Variants in RPP38 observed in about 807,000 individuals in gnomAD.
The protein encoded by RPP38 is ribonuclease P protein subunit p38.
Under a neutral mutation model 1.7 loss-of-function variants are expected in RPP38, and 2 were observed. The ratio of observed to expected loss-of-function variants is 1.18; its 90% CI spans 0.48 to 3.70. The LOEUF (loss-of-function observed/expected upper bound fraction) is 3.70, where lower values mean the gene tolerates loss of function less well. Among genes scored for constraint, RPP38 ranks in the 30% most tolerant of loss-of-function variants. RPP38 has a pLI of 0.07. For missense variants in RPP38, 358 were observed against 340.1 expected (o/e 1.05, Z -0.41); for synonymous variants, 151 against 131.8 (o/e 1.15, Z -1.00).
chr10:15,100,611 T>C (rs1002755690), intron 1 of RPP38, among the ~76,000 whole-genome samples: 15 of 151,976 alleles, frequency 9.9e-5, no homozygotes, highest in African/African-American at 3.6e-4. Context: ...TTCTCGGGGC[T>C]GTCCAGTGTG....
chr10:15,103,084 C>T lies in RPP38; in HGVS notation c.-10-221C>T, dbSNP rs1336339830. ...GCGGGCGCCTGTAATCCCAGCTACT[C>T]GGGAGGCTGAGGCAGGAGAATCGCT... On this transcript the variant is annotated intron_variant, in intron 2 of 2. Transcript: ENST00000378197. The T allele has an allele frequency of 7.6e-5, 22 of 291,198 alleles. 1 individual carries two copies. Among genetic ancestry groups the T allele is most frequent in the South Asian group, 1.7e-4 (3 of 18,114 alleles). The allele number at this position is 291,198 out of a possible 1,614,324, so 18.0% of individuals were successfully genotyped here.
rs1466388290 is a variant in RPP38 at position 15,097,573 on chromosome 10, G to C, written c.-323G>C. 1 of 152,322 alleles carries C rather than the reference G, an allele frequency of 6.6e-6. No individual in the cohort carries two copies. Among genetic ancestry groups the C allele is most frequent in the African/African-American group, 2.4e-5 (1 of 41,482 alleles). 9.4% of individuals were successfully genotyped at this position (152,322 alleles called of 1,614,324 possible). A position where few individuals can be genotyped will look rare whatever the true frequency, so the allele number is the denominator to read the frequency against. ...GACCCGCCGCCCTCCCGGTTGGGCC[G>C]CCCAGTCCCGGGCCGGGCGCGTGCA... On this transcript the variant is annotated 5_prime_UTR_variant, in exon 1 of 3. Transcript: ENST00000378197.
chr10:15,100,891 C>T (rs1845091201), intron 1 of RPP38, among the ~76,000 whole-genome samples: 1 of 152,126 alleles, frequency 6.6e-6, no homozygotes, highest in Non-Finnish European at 1.5e-5. Context: ...CCATATTGGC[C>T]AGGCTGGTCT....
intron 1 of RPP38, among the ~76,000 whole-genome samples, chr10:15,101,112 T>C (rs1845096880): frequency 6.6e-6 from 1 of 152,236 alleles, no homozygotes; most frequent in Non-Finnish European, 1.5e-5. Flanking sequence ...GTAGCAAGGA[T>C]TGAAAGAACA....
chr10:15,103,861 A>G lies in RPP38; in HGVS notation c.547A>G (p.Lys183Glu). 6.2e-7 allele frequency: 1 copy of G among 1,614,056 alleles called. No homozygotes were observed. Among genetic ancestry groups the G allele is most frequent in the East Asian group, 2.2e-5 (1 of 44,874 alleles). Reference protein sequence around the residue: ...GLKCVLALAFKKNTTDFVDEV... With the variant: ...GLKCVLALAFEKNTTDFVDEV... ...AAAATGTGTTCTAGCCTTGGCGTTC[A>G]AAAAGAACACCACTGACTTTGTGGA... Residue 183 changes from lysine to glutamate, a missense_variant, in exon 3 of 3, where the codon AAA (lysine) becomes GAA (glutamate). Coordinates refer to ENST00000378197, the MANE Select transcript of RPP38 (RefSeq NM_183005.5).
intron 1 of RPP38, among the ~76,000 whole-genome samples, chr10:15,101,454 C>T (rs1040372580): frequency 3.3e-5 from 5 of 152,222 alleles, no homozygotes; most frequent in Non-Finnish European, 7.3e-5. Flanking sequence ...GATATGCCCT[C>T]TGGACCAATA....
chr10:15,101,844 C>G (rs1845117241), intron 1 of RPP38, among the ~76,000 whole-genome samples: 6 of 152,098 alleles, frequency 3.9e-5, no homozygotes. Flanking sequence ...AAGCTGAGAT[C>G]ATGCCATTGC....
chr10:15,103,807 A>G lies in RPP38; in HGVS notation c.493A>G (p.Ser165Gly), dbSNP rs776312823. ...CCCTGCCTGTCAGGTCCCCCGGCTC[A>G]GTGAGAGAATCGCCCCCGTCATTGG... is the stretch of plus-strand genomic sequence containing the variant. Reference protein sequence around the residue: ...SVPACQVPRLSERIAPVIGLK... With the variant: ...SVPACQVPRLGERIAPVIGLK... The change falls in exon 3 of 3, where the codon AGT (serine) becomes GGT (glycine). Residue 165 changes from serine to glycine, a missense_variant. By Grantham distance (56) the Ser-to-Gly change is moderately conservative. Coordinates refer to ENST00000378197, the MANE Select transcript of RPP38 (RefSeq NM_183005.5). The G allele has an allele frequency of 6.2e-6, 10 of 1,614,104 alleles. No homozygotes were observed. Among genetic ancestry groups the G allele is most frequent in the Non-Finnish European group, 8.5e-6 (10 of 1,180,040 alleles).
At chr10:15,102,037 G>C (rs909571468) in intron 1 of RPP38, among the ~76,000 whole-genome samples, 181 bp from the exon 2 acceptor site, 1 of 152,120 alleles carries the variant, frequency 6.6e-6, no homozygotes, top group Non-Finnish European at 1.5e-5. Context: ...TGAGATGACT[G>C]TTCAGTTCTT....
At chr10:15,102,809 T>C (rs1845147085) in intron 2 of RPP38, 1 of 152,234 alleles carries the variant, frequency 6.6e-6, no homozygotes, top group South Asian at 2.1e-4. Flanking sequence ...TGGGGAAAAA[T>C]AAAATTACTT....
rs771171027 is a variant in RPP38, at chr10:15,103,606, A to C, written c.292A>C (p.Lys98Gln). The stretch of plus-strand genomic sequence containing the variant: ...TCTGAAGGAGAAGAAAACAGATGCT[A>C]AGCAGCAAGTGTCAGGGTGGACGCC... ...ENLKEKKTDAKQQVSGWTPAH... is the reference protein window; with the variant it reads ...ENLKEKKTDAQQQVSGWTPAH... Residue 98 changes from lysine to glutamine, a missense_variant, in exon 3 of 3, where the codon AAG becomes CAG. Transcript: ENST00000378197. 1.2e-6 allele frequency: 2 copies of C among 1,614,172 alleles called. No individual in the cohort carries two copies. The highest frequency in any genetic ancestry group is 1.3e-5 in the African/African-American group (1 of 75,062).
chr10:15,098,645 T>G (rs1194908493), intron 1 of RPP38, among the ~76,000 whole-genome samples: 1 of 150,648 alleles, frequency 6.6e-6, no homozygotes, highest in East Asian at 2.0e-4. Context: ...CCCAGCACTT[T>G]GGGAGGCCGA....
At chr10:15,098,575 A>T (rs908355794) in intron 1 of RPP38, among the ~76,000 whole-genome samples, 4 of 150,256 alleles carry the variant, frequency 2.7e-5, no homozygotes, top group Non-Finnish European at 3.0e-5. Flanking sequence ...TTCCTTTGGT[A>T]GGCATTGTTT....
intron 1 of RPP38, among the ~76,000 whole-genome samples, chr10:15,101,954 A>G (rs1018368410): frequency 6.6e-6 from 1 of 152,176 alleles, no homozygotes; most frequent in African/African-American, 2.4e-5. Flanking sequence ...AGGATATTCA[A>G]GAAATTTAGG....
chr10:15,099,675 C>T (rs1009412817), intron 1 of RPP38, among the ~76,000 whole-genome samples: 1 of 152,072 alleles, frequency 6.6e-6, no homozygotes, highest in African/African-American at 2.4e-5. Context: ...GACTGGGTTT[C>T]ACCATATTTG....
chr10:15,098,506 G>T (rs968267481), intron 1 of RPP38, among the ~76,000 whole-genome samples: 1 of 151,324 alleles, frequency 6.6e-6, no homozygotes, highest in Non-Finnish European at 1.5e-5. Flanking sequence ...ACAGGCGTGA[G>T]CCACCTCGCC....
chr10:15,103,732 C>T lies in RPP38; in HGVS notation c.418C>T (p.Pro140Ser). The T allele has an allele frequency of 6.2e-7, 1 of 1,613,910 alleles. No homozygotes were observed. The highest frequency in any genetic ancestry group is 2.2e-5 in the East Asian group (1 of 44,880). The change falls in exon 3 of 3, where the codon CCT becomes TCT. Residue 140 changes from proline to serine, a missense_variant. Physicochemically the swap from Pro to Ser is moderately conservative, Grantham distance 74 (BLOSUM62 -1). Transcript: ENST00000378197. ...LLVLVCKSVKPAMITSHLIQL... is the reference protein window; with the variant it reads ...LLVLVCKSVKSAMITSHLIQL... ...AGTTCTGGTGTGTAAATCAGTCAAG[C>T]CTGCCATGATCACCTCACACTTGAT... is the stretch of plus-strand genomic sequence containing the variant.
chr10:15,104,026 G>C lies in RPP38; in HGVS notation c.712G>C (p.Asp238His). Residue 238 changes from aspartate (D) to histidine (H), a missense_variant, in exon 3 of 3, where the codon GAT becomes CAT. By Grantham distance (81) the Asp-to-His change is moderately conservative. Coordinates refer to ENST00000378197, the MANE Select transcript of RPP38 (RefSeq NM_183005.5). ...DRELLDTSFE[D>H]LSKPKRKLAD... Reference sequence around the variant, plus strand: ...AGAGCTTTTGGACACTTCATTTGAAGATCTGTCAAAACCTAAGAGAAAGCT... The same window carrying C: ...AGAGCTTTTGGACACTTCATTTGAACATCTGTCAAAACCTAAGAGAAAGCT... The C allele has an allele frequency of 6.2e-7, 1 of 1,614,126 alleles. No homozygotes were observed. Among genetic ancestry groups the C allele is most frequent in the Non-Finnish European group, 8.5e-7 (1 of 1,180,030 alleles).
chr10:15,103,856 C>A lies in RPP38; in HGVS notation c.542C>A (p.Ala181Glu), dbSNP rs15772. ...GGCTTAAAATGTGTTCTAGCCTTGGCGTTCAAAAAGAACACCACTGACTTT... is the reference window on the plus strand; with the variant it reads ...GGCTTAAAATGTGTTCTAGCCTTGGAGTTCAAAAAGAACACCACTGACTTT... ...VIGLKCVLAL[A>E]FKKNTTDFVD... Residue 181 changes from alanine to glutamate, a missense_variant, in exon 3 of 3, where the codon GCG (alanine) becomes GAG (glutamate). By Grantham distance (107) the Ala-to-Glu change is moderately radical (BLOSUM62 -1). Transcript: ENST00000378197. 1.2e-6 allele frequency: 2 copies of A among 1,613,780 alleles called. No homozygotes were observed. The highest frequency in any genetic ancestry group is 2.7e-5 in the African/African-American group (2 of 74,832).
Sources: gnomAD v4.1 joint callset for allele counts (sites outside exome capture counted in the v4.1 genomes callset) on GRCh38, gnomAD v4.1.1 for gene constraint, MANE v1.5 for transcripts, NCBI Gene and HGNC (gene_info 2026-07-23, HGNC 2026-07-21) for gene names.